The following KCNIP4 variants were observed in gnomAD, a reference collection of about 807,000 sequenced individuals.
KCNIP4 encodes the protein Kv channel-interacting protein 4.
KCNIP4 carries 12 observed loss-of-function variants against 34.0 expected under a neutral mutation model. The observed-to-expected ratio is 0.35, with a 90% CI of 0.23 to 0.57. The LOEUF is 0.57. Among genes scored for constraint, KCNIP4 ranks in the 20% least tolerant of loss-of-function variants. The pLI is 0.83. For synonymous variants in KCNIP4, 124 were observed against 102.2 expected (o/e 1.21, Z -1.29); for missense variants, 238 against 311.7 (o/e 0.76, Z 1.78).
Position 21,314,761 on chromosome 4 carries a change from G to C in KCNIP4, c.62-432052C>G, listed in dbSNP as rs554991629. Among the ~76,000 whole-genome samples the C allele has an allele frequency of 2.0e-5, 3 of 152,272 alleles. No homozygotes were observed. In the South Asian group the frequency reaches 6.2e-4, roughly 32 times the overall value. On this transcript the variant is annotated intron_variant, in intron 1 of 8. Coordinates refer to ENST00000382152, the MANE Select transcript of KCNIP4 (RefSeq NM_025221.6). ...ATGCAAAACTCTGGCTACCTAGTGTGGTTAGACTATATGTTGAATAGCTGG... is the reference window on the plus strand; with the variant it reads ...ATGCAAAACTCTGGCTACCTAGTGTCGTTAGACTATATGTTGAATAGCTGG...
intron 1 of KCNIP4, among the ~76,000 whole-genome samples, chr4:21,141,217 T>C (rs1445175774): frequency 1.3e-5 from 2 of 152,226 alleles, no homozygotes; most frequent in East Asian, 3.9e-4. Flanking sequence ...ATGAAGTGAG[T>C]ACATACTGTT....
At chr4:21,897,858 G>T (rs1343833001) in intron 1 of KCNIP4, among the ~76,000 whole-genome samples, 1 of 152,164 alleles carries the variant, frequency 6.6e-6, no homozygotes, top group Non-Finnish European at 1.5e-5. Flanking sequence ...ATGAGGCACT[G>T]AATACAGGAG....
rs569030230 is a variant in KCNIP4 at position 21,478,771 on chromosome 4, A to G, written c.61+469800T>C. On this transcript the variant is annotated intron_variant, in intron 1 of 8. Coordinates refer to ENST00000382152, the MANE Select transcript of KCNIP4 (RefSeq NM_025221.6). ...TTCTCATCTTTTCTAGTGTGATTATAGGGTTTCTAGATTCAATCTGGATCC... is the reference window on the plus strand; with the variant it reads ...TTCTCATCTTTTCTAGTGTGATTATGGGGTTTCTAGATTCAATCTGGATCC... Among the ~76,000 whole-genome samples the G allele has an allele frequency of 7.2e-5, 11 of 152,270 alleles. No individual in the cohort carries two copies. The East Asian group carries it at 2.1e-3, about 29-fold the overall frequency.
At chr4:21,390,005 GA>G (rs1396223402) in intron 1 of KCNIP4, among the ~76,000 whole-genome samples, 3 of 140,706 alleles carry the variant, frequency 2.1e-5, no homozygotes, top group African/African-American at 5.0e-5. Flanking sequence ...TAACTACTGT[GA>G]GATGGTATCT....
intron 1 of KCNIP4, among the ~76,000 whole-genome samples, chr4:21,279,867 T>G (rs1261665200): frequency 2.0e-5 from 3 of 152,114 alleles, no homozygotes; most frequent in Non-Finnish European, 4.4e-5. Context: ...GCTTAAAATT[T>G]TTTTCCATGT....
chr4:21,622,080 C>T (rs895141276), intron 1 of KCNIP4, among the ~76,000 whole-genome samples: 7 of 152,252 alleles, frequency 4.6e-5, no homozygotes, highest in Non-Finnish European at 7.4e-5. Context: ...CTTCATGCTG[C>T]GAAGTTATTG....
chr4:21,023,516 C>G (rs1389668027), intron 1 of KCNIP4, among the ~76,000 whole-genome samples: 1 of 152,044 alleles, frequency 6.6e-6, no homozygotes, highest in Non-Finnish European at 1.5e-5. Flanking sequence ...AAGAAAGGAT[C>G]TGAATATAAA....
At chr4:21,781,154 T>C (rs1443452252) in intron 1 of KCNIP4, among the ~76,000 whole-genome samples, 1 of 152,042 alleles carries the variant, frequency 6.6e-6, no homozygotes, top group Non-Finnish European at 1.5e-5. Context: ...ATCGTGGGGG[T>C]GGTTTCCCCC....
intron 1 of KCNIP4, among the ~76,000 whole-genome samples, chr4:21,866,583 A>G (rs952604796): frequency 7.2e-5 from 11 of 152,146 alleles, no homozygotes; most frequent in Admixed American, 2.0e-4. Flanking sequence ...CATACAAGAC[A>G]CTAGAAGAGA....
At position 21,463,664 on chromosome 4, in the gene KCNIP4, A is replaced by G. The variant is rs529656578; in HGVS notation, c.61+484907T>C. The stretch of plus-strand genomic sequence containing the variant: ...ACATTTATAAGAGATACTGCTCTCT[A>G]GTTTTCTTTTCTTGTGCTGTTTTTA... On this transcript the variant is annotated intron_variant, in intron 1 of 8. Coordinates refer to ENST00000382152, the MANE Select transcript of KCNIP4 (RefSeq NM_025221.6). Among the ~76,000 whole-genome samples, 5 of 152,082 alleles carry G rather than the reference A, an allele frequency of 3.3e-5. No homozygotes were observed. The South Asian group carries it at 8.3e-4, about 25-fold the overall frequency.
chr4:21,636,213 G>A (rs1456436200), intron 1 of KCNIP4, among the ~76,000 whole-genome samples: 24 of 150,324 alleles, frequency 1.6e-4, no homozygotes, highest in South Asian at 8.4e-4. Context: ...TGGGTGCAGC[G>A]CACCAGCATG....
At chr4:21,259,885 C>CTCTG (rs3221673) in intron 1 of KCNIP4, among the ~76,000 whole-genome samples, 3 of 146,018 alleles carry the variant, frequency 2.1e-5, no homozygotes, top group East Asian at 2.1e-4. Context: ...GCGCCCAAGA[C>CTCTG]TGTGTGTGTG....
At chr4:20,749,019 G>A (rs1408467281) in intron 5 of KCNIP4, among the ~76,000 whole-genome samples, 2 of 151,648 alleles carry the variant, frequency 1.3e-5, no homozygotes, top group Non-Finnish European at 2.9e-5. Context: ...CTAGCTGGGC[G>A]TGGTGGCACG....
chr4:20,733,458 C>T (rs190544679), intron 6 of KCNIP4, among the ~76,000 whole-genome samples: 4 of 152,126 alleles, frequency 2.6e-5, no homozygotes, highest in South Asian at 2.1e-4. Flanking sequence ...ATTTGTTTCA[C>T]GTGAAAGATC....
At chr4:21,516,040 A>G (rs1261607438) in intron 1 of KCNIP4, among the ~76,000 whole-genome samples, 1 of 152,210 alleles carries the variant, frequency 6.6e-6, no homozygotes, top group Non-Finnish European at 1.5e-5. Context: ...TAGTAGCTCA[A>G]TTGATTATTG....
chr4:21,120,146 G>C (rs1177733963), intron 1 of KCNIP4, among the ~76,000 whole-genome samples: 1 of 152,146 alleles, frequency 6.6e-6, no homozygotes, highest in African/African-American at 2.4e-5. Flanking sequence ...TCTGTGCTGA[G>C]GAGCCTTGGA....
chr4:21,336,047 C>G (rs565310542), intron 1 of KCNIP4, among the ~76,000 whole-genome samples: 1 of 152,122 alleles, frequency 6.6e-6, no homozygotes, highest in South Asian at 2.1e-4. Flanking sequence ...TATGATATTG[C>G]TTTCCTAGTT....
At chr4:21,231,585 TA>T (rs35456938) in intron 1 of KCNIP4, among the ~76,000 whole-genome samples, 1 of 152,212 alleles carries the variant, frequency 6.6e-6, no homozygotes, top group African/African-American at 2.4e-5. Context: ...GGCTCTTTTG[TA>T]AAAAAAGAAA....
intron 1 of KCNIP4, among the ~76,000 whole-genome samples, chr4:21,657,879 C>G (rs114290734): frequency 6.7e-6 from 1 of 149,526 alleles, no homozygotes; most frequent in African/African-American, 2.5e-5. Context: ...CTCGCTTTGT[C>G]GCCAGGCTGC....
Sources: allele counts gnomAD v4.1 joint callset (sites outside exome capture counted in the v4.1 genomes callset), GRCh38; gene constraint gnomAD v4.1.1; transcripts MANE v1.5; gene names NCBI Gene and HGNC (gene_info 2026-07-23, HGNC 2026-07-21).